NIPBL: variants seen among roughly 807,000 people sequenced by gnomAD.
NIPBL encodes NIPBL cohesin loading factor.
NIPBL carries 19 observed loss-of-function variants against 321.8 expected under a neutral mutation model. The ratio of observed to expected loss-of-function variants is 0.06; its 90% CI spans 0.04 to 0.09. The LOEUF is 0.09. NIPBL is among the 10% of genes least tolerant of loss of function. The pLI is 1.00. For missense variants in NIPBL, 2,210 were observed against 3,327.0 expected (o/e 0.66, Z 8.26); for synonymous variants, 1,106 against 1,114.1 (o/e 0.99, Z 0.14).
At position 36,985,471 on chromosome 5, in the gene NIPBL, A is replaced by G. The variant is rs1198164573; in HGVS notation, c.2291A>G (p.Asn764Ser). 1.1e-5 allele frequency: 17 copies of G among 1,613,446 alleles called. No individual in the cohort carries two copies. The highest frequency in any genetic ancestry group is 2.7e-5 in the African/African-American group (2 of 74,810). ...GAAACACCAAAACACAGGCATGACAATAGGAGGGATTCTGGAAAGCCATCT... is the reference window on the plus strand; with the variant it reads ...GAAACACCAAAACACAGGCATGACAGTAGGAGGGATTCTGGAAAGCCATCT... ...RPETPKHRHD[N>S]RRDSGKPSTE... Residue 764 changes from asparagine to serine, a missense_variant, in exon 10 of 47, where the codon AAT (asparagine) becomes AGT (serine). Physicochemically the swap from Asn to Ser is conservative, Grantham distance 46. Around this residue, in one of 14 missense-constraint regions of NIPBL, gnomAD observed 588 missense variants for 564.1 expected, o/e 1.04. Coordinates refer to ENST00000282516, the MANE Select transcript of NIPBL (RefSeq NM_133433.4).
chr5:37,045,744 G>A (rs565288981), intron 37 of NIPBL, 147 bp downstream of exon 37: 9 of 809,616 alleles, frequency 1.1e-5, no homozygotes, highest in Admixed American at 7.2e-5. Flanking sequence ...TCAAAACGTG[G>A]TCCTCAGACT....
At chr5:36,947,529 A>T (rs935405586) in intron 1 of NIPBL, among the ~76,000 whole-genome samples, 4 of 152,034 alleles carry the variant, frequency 2.6e-5, no homozygotes, top group African/African-American at 9.7e-5. Context: ...TTCTGGCCAT[A>T]TGCTCTGTCT....
intron 1 of NIPBL, among the ~76,000 whole-genome samples, chr5:36,948,077 T>C (rs1739882825): frequency 6.6e-6 from 1 of 151,974 alleles, no homozygotes; most frequent in Admixed American, 6.6e-5. Flanking sequence ...TGGTTCAGGC[T>C]TTAATTCAAT....
intron 32 of NIPBL, among the ~76,000 whole-genome samples, chr5:37,033,653 T>A (rs1457824147): frequency 1.4e-5 from 2 of 140,784 alleles, no homozygotes; most frequent in African/African-American, 5.3e-5. Flanking sequence ...GAGAAAAAAA[T>A]TTTTAATTAC....
intron 1 of NIPBL, among the ~76,000 whole-genome samples, chr5:36,919,592 A>T (rs1434691559): frequency 6.6e-6 from 1 of 152,220 alleles, no homozygotes; most frequent in Non-Finnish European, 1.5e-5. Flanking sequence ...GATGAAGGTT[A>T]CAATGCTTAT....
chr5:36,940,210 G>A (rs950854191), intron 1 of NIPBL, among the ~76,000 whole-genome samples: 2 of 152,074 alleles, frequency 1.3e-5, no homozygotes, highest in Non-Finnish European at 2.9e-5. Flanking sequence ...TATTTTTAAG[G>A]AGTATATACA....
chr5:36,947,155 C>T (rs1055329742), intron 1 of NIPBL, among the ~76,000 whole-genome samples: 1 of 152,044 alleles, frequency 6.6e-6, no homozygotes, highest in Non-Finnish European at 1.5e-5. Flanking sequence ...TACAGCATTA[C>T]TTTATTTCTT....
intron 32 of NIPBL, among the ~76,000 whole-genome samples, chr5:37,027,871 G>A (rs541515426): frequency 1.3e-5 from 2 of 151,908 alleles, no homozygotes; most frequent in African/African-American, 4.8e-5. Context: ...TGCGTGCCTC[G>A]GCCTCCCAAA....
At chr5:37,044,309 T>C in intron 34 of NIPBL, 38 bp from the exon 35 acceptor site, 1 of 1,591,232 alleles carries the variant, frequency 6.3e-7, no homozygotes, top group Non-Finnish European at 8.6e-7. Context: ...TCTTTTCAGG[T>C]TTTGGATATT....
In NIPBL at chr5:37,060,909, CAGG is replaced by C; in HGVS notation, c.7754_7756del (p.Gly2585del). On this transcript the variant is annotated inframe_deletion, in exon 45 of 47. Transcript: ENST00000282516. ...TATGATAAAGCGATAAACCGAAAAA[CAGG>C]AGTTCATTTTCATCCAAAACAAACA... is the stretch of plus-strand genomic sequence containing the variant. The C allele has an allele frequency of 6.2e-7, 1 of 1,614,040 alleles. No homozygotes were observed. Among genetic ancestry groups the C allele is most frequent in the Non-Finnish European group, 8.5e-7 (1 of 1,179,950 alleles).
intron 42 of NIPBL, among the ~76,000 whole-genome samples, chr5:37,054,738 T>C (rs1293424177): frequency 6.6e-6 from 1 of 152,074 alleles, no homozygotes; most frequent in Non-Finnish European, 1.5e-5. Flanking sequence ...CCCAGAGGGA[T>C]AGAATGAGAG....
intron 1 of NIPBL, among the ~76,000 whole-genome samples, chr5:36,916,383 T>G (rs563301904): frequency 1.6e-4 from 25 of 152,244 alleles, no homozygotes; most frequent in Non-Finnish European, 2.1e-4. Context: ...AAAGTATCTC[T>G]TTGGGTTTTT....
At chr5:37,049,646 G>C (rs1753319090) in intron 40 of NIPBL, among the ~76,000 whole-genome samples, 1 of 152,188 alleles carries the variant, frequency 6.6e-6, no homozygotes, top group Non-Finnish European at 1.5e-5. Flanking sequence ...GGGTTTAAAA[G>C]TATAATCTGT....
At position 37,051,759 on chromosome 5, in the gene NIPBL, ATTTTT is replaced by A; in HGVS notation, c.6955-13_6955-9del. ...ATTTTTACTACCATGATATCTCGTA[ATTTTT>A]TTTTTTATTTCCAGTGTGTGCCATA... On this transcript the variant is annotated splice_polypyrimidine_tract_variant and intron_variant, in intron 40 of 46. Transcript: ENST00000282516. 8.0e-7 allele frequency: 1 copy of A among 1,252,318 alleles called. No homozygotes were observed. The highest frequency in any genetic ancestry group is 1.1e-6 in the Non-Finnish European group (1 of 898,090). 77.6% of individuals were successfully genotyped at this position (1,252,318 alleles called of 1,614,324 possible). A position where few individuals can be genotyped will look rare whatever the true frequency, so the allele number is the denominator to read the frequency against.
At chr5:36,878,328 G>T (rs1037939284) in intron 1 of NIPBL, among the ~76,000 whole-genome samples, 4 of 152,150 alleles carry the variant, frequency 2.6e-5, no homozygotes, top group Non-Finnish European at 5.9e-5. Context: ...AAATGCTGGA[G>T]AAAAATATCA....
At chr5:37,024,504 G>GTTTGTTATT in intron 29 of NIPBL, 81 bp from the exon 30 acceptor site, 1 of 1,185,192 alleles carries the variant, frequency 8.4e-7, no homozygotes, top group Admixed American at 1.9e-5. Flanking sequence ...TGAATATACT[G>GTTTGTTATT]CGTATGGATA....
intron 1 of NIPBL, among the ~76,000 whole-genome samples, chr5:36,940,065 G>A (rs759170420): frequency 1.3e-5 from 2 of 152,054 alleles, no homozygotes; most frequent in South Asian, 4.1e-4. Flanking sequence ...CTTTTACTTA[G>A]CATTTAGATT....
intron 1 of NIPBL, among the ~76,000 whole-genome samples, chr5:36,914,827 T>C (rs1371461333): frequency 6.6e-6 from 1 of 152,218 alleles, no homozygotes; most frequent in Non-Finnish European, 1.5e-5. Context: ...TTTGAGAGTT[T>C]AGTGATTTGC....
intron 9 of NIPBL, among the ~76,000 whole-genome samples, chr5:36,980,713 CAG>C (rs1744043783): frequency 1.3e-5 from 2 of 151,606 alleles, no homozygotes; most frequent in African/African-American, 4.8e-5. Flanking sequence ...GTTCACGTAA[CAG>C]AGACACCTCC....
Sources: gnomAD v4.1 joint callset for allele counts (sites outside exome capture counted in the v4.1 genomes callset) on GRCh38, gnomAD v4.1.1 for gene constraint, gnomAD v4.1.1 regional missense constraint, MANE v1.5 for transcripts, NCBI Gene and HGNC (gene_info 2026-07-23, HGNC 2026-07-21) for gene names.